GNG7: variants seen among roughly 807,000 people sequenced by gnomAD.
The protein encoded by GNG7 is G protein subunit gamma 7.
Under a neutral mutation model 4.0 loss-of-function variants are expected in GNG7, and 1 was observed. The observed-to-expected ratio is 0.25, with a 90% CI of 0.09 to 1.18. GNG7 has a LOEUF of 1.18. Ranked by LOEUF, GNG7 falls within the 50% of genes most tolerant of loss-of-function variation. The probability of loss-of-function intolerance (pLI) is 0.50; values close to 1 mark genes in which losing one functional copy is unlikely to be tolerated. For missense variants in GNG7, 86 were observed against 91.9 expected, an observed-to-expected ratio of 0.94 and a Z score of 0.26; for synonymous variants, 34 against 36.9, an observed-to-expected ratio of 0.92 and a Z score of 0.29.
At chr19:2,649,668 G>A (rs997967789) in intron 1 of GNG7, among the ~76,000 whole-genome samples, 9 of 152,066 alleles carry the variant, frequency 5.9e-5, no homozygotes, top group African/African-American at 2.2e-4. Context: ...GATTACAGGC[G>A]TGAGCCACCG....
intron 1 of GNG7, among the ~76,000 whole-genome samples, chr19:2,666,706 T>C (rs1431771684): frequency 6.6e-6 from 1 of 152,228 alleles, no homozygotes; most frequent in Non-Finnish European, 1.5e-5. Context: ...ACATATGTTC[T>C]CTGTTGCAGC....
At chr19:2,538,855 G>A (rs1978843713) in intron 3 of GNG7, 2 of 271,926 alleles carry the variant, frequency 7.4e-6, no homozygotes, top group South Asian at 7.0e-5. Flanking sequence ...TGCAAACTCT[G>A]CGTCCTGGGT....
chr19:2,625,594 C>A (rs1158602916), intron 2 of GNG7, among the ~76,000 whole-genome samples: 1 of 152,084 alleles, frequency 6.6e-6, no homozygotes, highest in African/African-American at 2.4e-5. Flanking sequence ...TGTAGAAGGG[C>A]CATGGGTCAC....
At chr19:2,638,793 G>A (rs1175515512) in intron 2 of GNG7, among the ~76,000 whole-genome samples, 1 of 152,218 alleles carries the variant, frequency 6.6e-6, no homozygotes, top group African/African-American at 2.4e-5. Context: ...TGCTTCCTCC[G>A]TGAGCCCCAC....
intron 1 of GNG7, among the ~76,000 whole-genome samples, chr19:2,652,475 C>T (rs902553266): frequency 5.3e-5 from 8 of 151,970 alleles, no homozygotes; most frequent in South Asian, 2.1e-4. Flanking sequence ...TAAAATTAGC[C>T]GGGCGTGGTG....
intron 2 of GNG7, among the ~76,000 whole-genome samples, chr19:2,591,769 C>T (rs1001401315): frequency 1.3e-5 from 2 of 151,876 alleles, no homozygotes; most frequent in Non-Finnish European, 2.9e-5. Flanking sequence ...AACTCAATAG[C>T]CAAATAGAAG....
chr19:2,621,861 G>T (rs767348643), intron 2 of GNG7, among the ~76,000 whole-genome samples: 34 of 152,212 alleles, frequency 2.2e-4, no homozygotes, highest in Non-Finnish European at 4.7e-4. Flanking sequence ...AGCGCCCAGG[G>T]GAGCACAGCT....
intron 1 of GNG7, among the ~76,000 whole-genome samples, chr19:2,652,328 C>A (rs1982852003): frequency 6.6e-6 from 1 of 151,610 alleles, no homozygotes. Context: ...AAGCAAAGAA[C>A]CCCAAATACA....
At chr19:2,615,094 C>T (rs982386563) in intron 2 of GNG7, among the ~76,000 whole-genome samples, 3 of 152,330 alleles carry the variant, frequency 2.0e-5, no homozygotes, top group Non-Finnish European at 4.4e-5. Flanking sequence ...TGTGGAATAG[C>T]CCCGCTTTCT....
intron 3 of GNG7, among the ~76,000 whole-genome samples, chr19:2,539,729 C>T (rs1247152144): frequency 6.6e-6 from 1 of 152,148 alleles, no homozygotes; most frequent in Non-Finnish European, 1.5e-5. Context: ...CCCAGCTGCC[C>T]TGTCTCATTG....
At chr19:2,641,573 T>C (rs1421447711) in intron 2 of GNG7, among the ~76,000 whole-genome samples, 2 of 152,024 alleles carry the variant, frequency 1.3e-5, no homozygotes, top group African/African-American at 4.8e-5. Context: ...AACCAGATTT[T>C]CCCCTGGAGC....
At chr19:2,569,362 G>A (rs967269321) in intron 2 of GNG7, among the ~76,000 whole-genome samples, 1 of 152,040 alleles carries the variant, frequency 6.6e-6, no homozygotes, top group African/African-American at 2.4e-5. Flanking sequence ...TGCAAGCTCC[G>A]CCTCCTGGGT....
intron 1 of GNG7, among the ~76,000 whole-genome samples, chr19:2,698,457 G>A (rs894602223): frequency 1.3e-5 from 2 of 151,884 alleles, no homozygotes; most frequent in Non-Finnish European, 2.9e-5. Context: ...CCAGCTACTC[G>A]AGAGGATGAG....
rs201987894 is a variant in GNG7 at position 2,648,527 on chromosome 19, TA to T, written c.-134-2248del. ...GAAAATCTAAAATTAAAAGTTCATT[TA>T]AAAAAAATGCAGACTTTTTAAAATG... On this transcript the variant is annotated intron_variant, in intron 1 of 4. Coordinates refer to ENST00000382159, the MANE Select transcript of GNG7 (RefSeq NM_052847.3). 6.2e-3 allele frequency among the ~76,000 whole-genome samples: 947 copies of T among 152,286 alleles called. 8 individuals are homozygous for T. Among genetic ancestry groups the T allele is most frequent in the African/African-American group, 0.022 (912 of 41,558 alleles).
chr19:2,606,505 A>AC (rs1363552151), intron 2 of GNG7, among the ~76,000 whole-genome samples: 1 of 151,924 alleles, frequency 6.6e-6, no homozygotes, highest in Non-Finnish European at 1.5e-5. Context: ...AAATACAAAA[A>AC]TTAGCTGGGT....
intron 2 of GNG7, among the ~76,000 whole-genome samples, chr19:2,593,742 T>TAA (rs753627960): frequency 1.5e-5 from 2 of 135,066 alleles, no homozygotes; most frequent in Non-Finnish European, 3.2e-5. Flanking sequence ...AGACTCCATC[T>TAA]AAAAAAAAAA....
chr19:2,600,921 T>TAATA (rs747612166), intron 2 of GNG7, among the ~76,000 whole-genome samples: 25 of 152,202 alleles, frequency 1.6e-4, no homozygotes, highest in Middle Eastern at 6.8e-3. Flanking sequence ...TCCAAGATGG[T>TAATA]AATAAACCTG....
intron 2 of GNG7, among the ~76,000 whole-genome samples, chr19:2,625,090 G>C (rs990517739): frequency 2.4e-4 from 36 of 152,300 alleles, no homozygotes; most frequent in African/African-American, 8.4e-4. Flanking sequence ...TTTCTTTTGA[G>C]ACAAGATCTT....
At chr19:2,532,452 G>T (rs531717809) in intron 3 of GNG7, among the ~76,000 whole-genome samples, 3 of 152,168 alleles carry the variant, frequency 2.0e-5, no homozygotes, top group Non-Finnish European at 2.9e-5. Context: ...CAAAGGGAAA[G>T]AAACTACAGA....
Sources: gnomAD v4.1 joint callset for allele counts (sites outside exome capture counted in the v4.1 genomes callset) on GRCh38, gnomAD v4.1.1 for gene constraint, MANE v1.5 for transcripts, NCBI Gene and HGNC (gene_info 2026-07-23, HGNC 2026-07-21) for gene names.